Variants in FAM13A observed in about 807,000 individuals in gnomAD.
FAM13A encodes family with sequence similarity 13 member A, also known as protein FAM13A.
FAM13A carries 76 observed loss-of-function variants against 129.6 expected under a neutral mutation model. That is an observed-to-expected ratio of 0.59 (90% CI 0.49 to 0.71). The LOEUF (loss-of-function observed/expected upper bound fraction) is 0.71, where lower values mean the gene tolerates loss of function less well. Ranked by LOEUF, FAM13A falls within the 30% of genes least tolerant of loss-of-function variation. FAM13A has a pLI of 0.00. For missense variants in FAM13A, 1,108 were observed against 1,249.3 expected (o/e 0.89, Z 1.70); for synonymous variants, 443 against 449.9 (o/e 0.98, Z 0.20).
chr4:88,777,498 G>A (rs1157350602), intron 11 of FAM13A, among the ~76,000 whole-genome samples: 1 of 152,110 alleles, frequency 6.6e-6, no homozygotes, highest in African/African-American at 2.4e-5. Context: ...GCAATAATTC[G>A]AGATAAGGCA....
intron 13 of FAM13A, among the ~76,000 whole-genome samples, chr4:88,763,344 T>G (rs931572036): frequency 1.3e-5 from 2 of 152,202 alleles, no homozygotes; most frequent in African/African-American, 4.8e-5. Flanking sequence ...CACATATATG[T>G]CCTTGGCACT....
intron 3 of FAM13A, among the ~76,000 whole-genome samples, chr4:89,016,138 T>C (rs1766452141): frequency 1.3e-5 from 2 of 151,442 alleles, no homozygotes; most frequent in Admixed American, 1.3e-4. Flanking sequence ...GTAATATTGA[T>C]GATTCTGACT....
rs931522693 is a variant in FAM13A at position 89,029,459 on chromosome 4, C to G, written c.217+1G>C. The G allele has an allele frequency of 1.9e-6, 3 of 1,594,436 alleles. No homozygotes were observed. Among genetic ancestry groups the G allele is most frequent in the East Asian group, 2.3e-5 (1 of 44,380 alleles). On this transcript the variant is annotated splice_donor_variant, in intron 2 of 23. Coordinates refer to ENST00000264344, the MANE Select transcript of FAM13A (RefSeq NM_014883.4). LOFTEE classifies it high-confidence loss of function. The stretch of plus-strand genomic sequence containing the variant: ...ACAGACTAAAGCATGACTTAACTCA[C>G]CATGCTGCGTCAAATATTCCACTAT...
Position 88,938,226 on chromosome 4 carries a change from A to G in FAM13A, c.621T>C (p.Leu207=), listed in dbSNP as rs116681493. 5.6e-4 allele frequency: 901 copies of G among 1,608,596 alleles called. 7 individuals are homozygous for G. The African/African-American group carries it at 0.01, about 18-fold the overall frequency. ...ACAGGTCCTGTTCCTTCATGCCTTC[A>G]AGCCCAGGTGGCACACTAGAAACAA... is the stretch of plus-strand genomic sequence containing the variant. ...GPNCFHVPPG[L]EGMKEQDLCN... The change falls in exon 5 of 24, where the codon CTT becomes CTC. Residue 207 remains leucine (L), a synonymous_variant. Coordinates refer to ENST00000264344, the MANE Select transcript of FAM13A (RefSeq NM_014883.4).
chr4:89,023,824 G>A (rs900164413), intron 2 of FAM13A, among the ~76,000 whole-genome samples: 2 of 151,678 alleles, frequency 1.3e-5, no homozygotes, highest in African/African-American at 4.9e-5. Flanking sequence ...AGCCTCTTAT[G>A]AGGCTAGAAT....
At chr4:88,875,681 A>C (rs1264364619) in intron 6 of FAM13A, among the ~76,000 whole-genome samples, 1 of 152,238 alleles carries the variant, frequency 6.6e-6, no homozygotes, top group African/African-American at 2.4e-5. Flanking sequence ...GAACACTTTT[A>C]CACTGTTGGT....
chr4:88,846,545 C>G (rs555494791), intron 7 of FAM13A, among the ~76,000 whole-genome samples: 2 of 152,328 alleles, frequency 1.3e-5, no homozygotes, highest in African/African-American at 4.8e-5. Flanking sequence ...AACATTAACT[C>G]TCTCTACAGA....
intron 8 of FAM13A, among the ~76,000 whole-genome samples, chr4:88,798,591 A>G (rs1726732815): frequency 6.6e-6 from 1 of 152,142 alleles, no homozygotes; most frequent in Non-Finnish European, 1.5e-5. Context: ...GGCTATCTGT[A>G]TTGTTTAGTT....
intron 4 of FAM13A, among the ~76,000 whole-genome samples, chr4:88,942,711 C>T (rs1754984173): frequency 6.6e-6 from 1 of 152,054 alleles, no homozygotes; most frequent in Non-Finnish European, 1.5e-5. Context: ...CACCTGACTC[C>T]TACTGCTCCC....
chr4:88,917,248 C>T lies in FAM13A; in HGVS notation c.760-10786G>A, dbSNP rs545563914. Among the ~76,000 whole-genome samples the T allele has an allele frequency of 4.6e-5, 7 of 152,220 alleles. No individual in the cohort carries two copies. The South Asian group carries it at 1.5e-3, about 32-fold the overall frequency. On this transcript the variant is annotated intron_variant, in intron 5 of 23. Transcript: ENST00000264344. ...CCTCGTGAAGGAAGGCAAAAGGGAG[C>T]CAACCTGTGTAGAGATCATATGGCA...
At chr4:88,942,129 C>T (rs1046579301) in intron 4 of FAM13A, among the ~76,000 whole-genome samples, 1 of 152,092 alleles carries the variant, frequency 6.6e-6, no homozygotes, top group Admixed American at 6.6e-5. Flanking sequence ...GTGGCAAAAT[C>T]TTACTAAAGA....
At chr4:88,828,597 C>A (rs1733402420) in intron 7 of FAM13A, among the ~76,000 whole-genome samples, 1 of 152,140 alleles carries the variant, frequency 6.6e-6, no homozygotes, top group Non-Finnish European at 1.5e-5. Context: ...ATCTTTCCTG[C>A]AGCCCTGACA....
chr4:89,044,717 A>C (rs1770609264), intron 1 of FAM13A, among the ~76,000 whole-genome samples: 1 of 152,224 alleles, frequency 6.6e-6, no homozygotes, highest in Admixed American at 6.5e-5. Flanking sequence ...TAGAATATAC[A>C]TAAAATGGAA....
At chr4:88,831,380 A>G (rs563950093) in intron 7 of FAM13A, among the ~76,000 whole-genome samples, 3 of 152,362 alleles carry the variant, frequency 2.0e-5, no homozygotes, top group African/African-American at 7.2e-5. Context: ...AGCAGGCTTT[A>G]GCAGGGCTTC....
intron 3 of FAM13A, among the ~76,000 whole-genome samples, chr4:89,003,116 C>T: frequency 6.6e-6 from 1 of 151,948 alleles, no homozygotes; most frequent in East Asian, 1.9e-4. Context: ...CAGGAAATAG[C>T]AGGTCCAGGA....
intron 8 of FAM13A, among the ~76,000 whole-genome samples, chr4:88,791,490 G>A (rs977634334): frequency 6.6e-6 from 1 of 151,978 alleles, no homozygotes; most frequent in African/African-American, 2.4e-5. Flanking sequence ...CTCACAATCT[G>A]CCCTCTAGTG....
chr4:88,810,825 C>T (rs572395221), intron 7 of FAM13A, among the ~76,000 whole-genome samples: 18 of 152,138 alleles, frequency 1.2e-4, no homozygotes, highest in South Asian at 6.2e-4. Flanking sequence ...TTTTATATCA[C>T]GACAGTATAC....
intron 6 of FAM13A, among the ~76,000 whole-genome samples, chr4:88,870,656 C>T (rs761834442): frequency 2.6e-5 from 4 of 151,908 alleles, no homozygotes; most frequent in African/African-American, 4.8e-5. Context: ...TGGAGCCTAC[C>T]GCAGCCTGCC....
At chr4:89,002,587 C>A (rs1338388357) in intron 3 of FAM13A, among the ~76,000 whole-genome samples, 1 of 152,124 alleles carries the variant, frequency 6.6e-6, no homozygotes, top group South Asian at 2.1e-4. Flanking sequence ...TTGGGCATCC[C>A]CAAATGACAC....
Sources: allele counts gnomAD v4.1 joint callset (sites outside exome capture counted in the v4.1 genomes callset), GRCh38; gene constraint gnomAD v4.1.1; transcripts MANE v1.5; gene names NCBI Gene and HGNC (gene_info 2026-07-23, HGNC 2026-07-21).